Variants in MAP3K2 observed in about 807,000 individuals in gnomAD.
MAP3K2 encodes the protein mitogen-activated protein kinase kinase kinase 2.
In MAP3K2, 24 loss-of-function variants were observed where a neutral mutation model predicts 80.3. The observed-to-expected ratio is 0.30, with a 90% confidence interval of 0.22 to 0.42. The LOEUF (loss-of-function observed/expected upper bound fraction) is 0.42, where lower values mean the gene tolerates loss of function less well. MAP3K2 is among the 10% of genes least tolerant of loss of function. The pLI is 1.00. For missense variants in MAP3K2, 608 were observed against 750.1 expected (o/e 0.81, Z 2.21); for synonymous variants, 244 against 253.7 (o/e 0.96, Z 0.36).
intron 1 of MAP3K2, among the ~76,000 whole-genome samples, chr2:127,357,054 T>TA (rs1553518550): frequency 1.3e-5 from 2 of 152,070 alleles, no homozygotes; most frequent in Non-Finnish European, 1.5e-5. Context: ...ATCATCCCAT[T>TA]AAAACATGGG....
chr2:127,364,660 T>C lies in MAP3K2; in HGVS notation c.-65-21466A>G, dbSNP rs1686941876. ...ATAGAACAGCTTCCTAACTATTCCA[T>C]ATTTTTACATGTGCTCTCTGCCACT... On this transcript the variant is annotated intron_variant, in intron 1 of 16. Transcript: ENST00000682094. This position sits in a 1 kb window ranked among gnomAD's most constrained non-coding sequence, Gnocchi z 4.1. Among the ~76,000 whole-genome samples, 1 of 152,194 alleles carries C rather than the reference T, an allele frequency of 6.6e-6. No homozygotes were observed. The highest frequency in any genetic ancestry group is 2.4e-5 in the African/African-American group (1 of 41,448).
At chr2:127,332,061 C>A (rs181372433) in intron 5 of MAP3K2, among the ~76,000 whole-genome samples, 2 of 152,100 alleles carry the variant, frequency 1.3e-5, no homozygotes, top group Non-Finnish European at 2.9e-5. Flanking sequence ...TGTAAGGGAC[C>A]GACTAACTGG....
In MAP3K2 at chr2:127,365,528, C is replaced by CA. The variant is rs540302229; in HGVS notation, c.-66+21923_-66+21924insT. On this transcript the variant is annotated intron_variant, in intron 1 of 16. Coordinates refer to ENST00000682094, the MANE Select transcript of MAP3K2 (RefSeq NM_001371910.2). ...GTTAGATAGAGCTGCAGTTGCCAGC[C>CA]GACTGCGCAGCTCTCCTCTGCTCTG... 3.2e-3 allele frequency among the ~76,000 whole-genome samples: 485 copies of CA among 152,252 alleles called. 6 individuals are homozygous for CA. Among genetic ancestry groups the CA allele is most frequent in the Admixed American group, 6.6e-3 (101 of 15,284 alleles).
At chr2:127,365,932 T>C (rs997091118) in intron 1 of MAP3K2, among the ~76,000 whole-genome samples, 1 of 152,210 alleles carries the variant, frequency 6.6e-6, no homozygotes, top group African/African-American at 2.4e-5. Context: ...CCTTAAATGA[T>C]TCAAGTACTC....
At chr2:127,387,069 G>A (rs1351308273) in intron 1 of MAP3K2, among the ~76,000 whole-genome samples, 1 of 151,938 alleles carries the variant, frequency 6.6e-6, no homozygotes, top group Admixed American at 6.5e-5. Context: ...GAGAAAAGGG[G>A]GAAACAACCT....
chr2:127,315,426 T>A (rs2104811688), intron 14 of MAP3K2, among the ~76,000 whole-genome samples: 1 of 152,358 alleles, frequency 6.6e-6, no homozygotes, highest in South Asian at 2.1e-4. Context: ...CGGTGTACTC[T>A]GTCATATGAA....
intron 7 of MAP3K2, 88 bp from the exon 8 acceptor site, chr2:127,326,905 T>C: frequency 1.3e-6 from 1 of 770,904 alleles, no homozygotes; most frequent in Admixed American, 2.9e-5. Flanking sequence ...AATTATATCA[T>C]TAATAATTTC....
chr2:127,324,551 C>A (rs949520449), intron 9 of MAP3K2, among the ~76,000 whole-genome samples: 14 of 152,126 alleles, frequency 9.2e-5, no homozygotes, highest in African/African-American at 3.1e-4. Flanking sequence ...GGCAAATCAC[C>A]CTTCTGCATC....
At chr2:127,370,206 G>A (rs1469315369) in intron 1 of MAP3K2, among the ~76,000 whole-genome samples, 6 of 152,132 alleles carry the variant, frequency 3.9e-5, no homozygotes, top group East Asian at 1.9e-4. Context: ...ATAAATGCCC[G>A]CAGCGCAAGC....
Position 127,324,492 on chromosome 2 carries a change from C to A in MAP3K2, c.678-251G>T, listed in dbSNP as rs568509193. Reference sequence around the variant, plus strand: ...CGTATTTTGGAATCATTAGGTGTTTCTAAGCACTGTGTTTCAATCCAAGCT... The same window carrying A: ...CGTATTTTGGAATCATTAGGTGTTTATAAGCACTGTGTTTCAATCCAAGCT... On this transcript the variant is annotated intron_variant, in intron 9 of 16. Coordinates refer to ENST00000682094, the MANE Select transcript of MAP3K2 (RefSeq NM_001371910.2). Among the ~76,000 whole-genome samples, 7 of 152,324 alleles carry A rather than the reference C, an allele frequency of 4.6e-5. No homozygotes were observed. In the South Asian group the frequency reaches 1.4e-3, roughly 32 times the overall value.
At chr2:127,328,834 CT>C (rs886823818) in intron 7 of MAP3K2, among the ~76,000 whole-genome samples, 1 of 152,164 alleles carries the variant, frequency 6.6e-6, no homozygotes, top group African/African-American at 2.4e-5. Context: ...TGTTACCAAT[CT>C]TTTTTAGATT....
chr2:127,359,988 T>C (rs898283453), intron 1 of MAP3K2, among the ~76,000 whole-genome samples: 10 of 152,140 alleles, frequency 6.6e-5, no homozygotes, highest in African/African-American at 1.9e-4. Context: ...ACACCTACCA[T>C]ATGACCCACC....
At chr2:127,342,388 G>GGGGTGGGTGTGTGT (rs143219830) in intron 2 of MAP3K2, among the ~76,000 whole-genome samples, 8 of 147,744 alleles carry the variant, frequency 5.4e-5, no homozygotes, top group Admixed American at 2.0e-4. Flanking sequence ...TCTTCATGAG[G>GGGGTGGGTGTGTGT]GTGTGTGTGT....
At chr2:127,388,108 C>G, upstream of MAP3K2, 1 of 984,624 alleles carries the variant, frequency 1.0e-6, no homozygotes, top group Non-Finnish European at 1.2e-6. Flanking sequence ...AGAGGCCCGC[C>G]ACGCCCACAC....
chr2:127,354,725 A>G (rs546228711), intron 1 of MAP3K2, among the ~76,000 whole-genome samples: 25 of 152,134 alleles, frequency 1.6e-4, no homozygotes, highest in Admixed American at 2.6e-4. Context: ...TGAATCAAAA[A>G]GTACCAAATA....
At chr2:127,354,010 A>C (rs1037782705) in intron 1 of MAP3K2, among the ~76,000 whole-genome samples, 5 of 151,976 alleles carry the variant, frequency 3.3e-5, no homozygotes, top group African/African-American at 1.2e-4. Context: ...AGGGCGGTAC[A>C]AGATGTGCTT....
chr2:127,324,964 C>T (rs1573984599), intron 9 of MAP3K2, among the ~76,000 whole-genome samples: 2 of 152,166 alleles, frequency 1.3e-5, no homozygotes, highest in Admixed American at 6.5e-5. Flanking sequence ...CAATGTGACA[C>T]AGTGGGCTAC....
At chr2:127,329,601 C>A (rs886636853) in intron 7 of MAP3K2, among the ~76,000 whole-genome samples, 1 of 152,108 alleles carries the variant, frequency 6.6e-6, no homozygotes, top group African/African-American at 2.4e-5. Context: ...GTGATCTGCC[C>A]GCCTTGGCCT....
At chr2:127,380,489 A>C (rs945773057) in intron 1 of MAP3K2, among the ~76,000 whole-genome samples, 1 of 152,206 alleles carries the variant, frequency 6.6e-6, no homozygotes, top group Non-Finnish European at 1.5e-5. Flanking sequence ...GGTACTATGA[A>C]TCTCAAACAA....
Sources: allele counts gnomAD v4.1 joint callset (sites outside exome capture counted in the v4.1 genomes callset), GRCh38; gene constraint gnomAD v4.1.1; non-coding constraint Gnocchi (gnomAD v3.1); transcripts MANE v1.5; gene names NCBI Gene and HGNC (gene_info 2026-07-23, HGNC 2026-07-21).